CCDC28A: variants seen among roughly 807,000 people sequenced by gnomAD.
CCDC28A encodes the protein coiled-coil domain-containing protein 28A.
CCDC28A carries 24 observed loss-of-function variants against 22.1 expected under a neutral mutation model. That is an observed-to-expected ratio of 1.09 (90% CI 0.79 to 1.53). CCDC28A has a LOEUF of 1.53. Among genes scored for constraint, CCDC28A ranks in the 40% most tolerant of loss-of-function variants. CCDC28A has a pLI of 0.00. For synonymous variants in CCDC28A, 83 were observed against 74.7 expected (o/e 1.11, Z -0.57); for missense variants, 170 against 210.7 (o/e 0.81, Z 1.20).
At chr6:138,780,059 C>A in intron 3 of CCDC28A, 74 bp downstream of exon 3, 1 of 1,127,652 alleles carries the variant, frequency 8.9e-7, no homozygotes, top group Non-Finnish European at 1.2e-6. Flanking sequence ...GTATTTTACT[C>A]TTCTTTTCAA....
intron 3 of CCDC28A, among the ~76,000 whole-genome samples, chr6:138,784,079 G>T (rs1353823100): frequency 6.6e-6 from 1 of 151,692 alleles, no homozygotes; most frequent in African/African-American, 2.4e-5. Context: ...TAGAGACAAG[G>T]TTTCACCATG....
rs539683925 is a variant in CCDC28A at position 138,783,973 on chromosome 6, G to C, written c.323-1254G>C. Among the ~76,000 whole-genome samples, 9 of 149,180 alleles carry C rather than the reference G, an allele frequency of 6.0e-5. No homozygotes were observed. In the East Asian group the frequency reaches 1.8e-3, roughly 30 times the overall value. ...TTCACTGCAGCCTCAACCTCCCCAG[G>C]CTTATATGATCCTCCCACCTCAACC... On this transcript the variant is annotated intron_variant, in intron 3 of 5. Transcript: ENST00000617445.
chr6:138,784,265 G>A (rs925576847), intron 3 of CCDC28A, among the ~76,000 whole-genome samples: 1 of 152,012 alleles, frequency 6.6e-6, no homozygotes, highest in South Asian at 2.1e-4. Context: ...GACATGATGA[G>A]ATGGTGCTGT....
rs1251006664 is a variant in CCDC28A, at chr6:138,773,819, C to T, written c.-126C>T. On this transcript the variant is annotated 5_prime_UTR_variant, in exon 1 of 6. Transcript: ENST00000617445. ...CGGGTCCCGGGATGTGACCGGGGCTCTGCTTGTGGCTGCGGCGGTGGCTTC... is the reference window on the plus strand; with the variant it reads ...CGGGTCCCGGGATGTGACCGGGGCTTTGCTTGTGGCTGCGGCGGTGGCTTC... The T allele has an allele frequency of 1.9e-6, 3 of 1,614,108 alleles. No homozygotes were observed.
chr6:138,792,985 G>A lies in CCDC28A; in HGVS notation c.*182G>A. 1.7e-6 allele frequency: 1 copy of A among 574,978 alleles called. No homozygotes were observed. Among genetic ancestry groups the A allele is most frequent in the Non-Finnish European group, 3.1e-6 (1 of 319,926 alleles). The allele number at this position is 574,978 out of a possible 1,614,324, so 35.6% of individuals were successfully genotyped here. ...TGACTCGCTGTAATTCACCATAACT[G>A]GAGGCCTAGGCCTTGTTGAAGGCTT... On this transcript the variant is annotated 3_prime_UTR_variant, in exon 6 of 6. Transcript: ENST00000617445.
At chr6:138,786,539 CT>C (rs571959638) in intron 4 of CCDC28A, among the ~76,000 whole-genome samples, 1 of 152,150 alleles carries the variant, frequency 6.6e-6, no homozygotes, top group Non-Finnish European at 1.5e-5. Flanking sequence ...TATGCCAATA[CT>C]TTCACTATTT....
intron 4 of CCDC28A, among the ~76,000 whole-genome samples, chr6:138,788,106 G>A (rs1221289700): frequency 1.3e-5 from 2 of 151,378 alleles, no homozygotes; most frequent in African/African-American, 4.9e-5. Flanking sequence ...GACCTCACGT[G>A]TGCGTCACCA....
At position 138,780,173 on chromosome 6, in the gene CCDC28A, G is replaced by GT. The variant is rs556523737; in HGVS notation, c.322+197dup. ...TGCCTTCTAAAACTTCTGGGAAAAA[G>GT]TTTTTTTTTAAGAGGGAGGGTTAGT... is the stretch of plus-strand genomic sequence containing the variant. On this transcript the variant is annotated intron_variant, in intron 3 of 5. Coordinates refer to ENST00000617445, the MANE Select transcript of CCDC28A (RefSeq NM_015439.3). Among the ~76,000 whole-genome samples, 19 of 151,568 alleles carry GT rather than the reference G, an allele frequency of 1.3e-4. No homozygotes were observed. In the South Asian group the frequency reaches 2.1e-3, roughly 17 times the overall value.
At chr6:138,776,417 A>C (rs1359061591) in intron 2 of CCDC28A, 139 bp downstream of exon 2, 1 of 658,844 alleles carries the variant, frequency 1.5e-6, no homozygotes, top group Non-Finnish European at 2.6e-6. Context: ...TTTAGAAGAA[A>C]AATTTATGAA....
chr6:138,779,417 C>T (rs964074133), intron 2 of CCDC28A, among the ~76,000 whole-genome samples: 1 of 152,084 alleles, frequency 6.6e-6, no homozygotes, highest in Non-Finnish European at 1.5e-5. Flanking sequence ...ATGTTGGCTA[C>T]AGAGTAGGGA....
In CCDC28A at chr6:138,779,802, A is replaced by C. The variant is rs770514342; in HGVS notation, c.159-20A>C. ...TAATCTAGAATAGCCTAAAAAGCCT[A>C]AATTTCATCGTCTTTACAGAGTGAT... On this transcript the variant is annotated intron_variant, in intron 2 of 5. Coordinates refer to ENST00000617445, the MANE Select transcript of CCDC28A (RefSeq NM_015439.3). 18 of 1,586,844 alleles carry C rather than the reference A, an allele frequency of 1.1e-5. No individual in the cohort carries two copies. Among genetic ancestry groups the C allele is most frequent in the South Asian group, 8.1e-5 (7 of 86,278 alleles).
chr6:138,783,545 C>G (rs1775050718), intron 3 of CCDC28A, among the ~76,000 whole-genome samples: 2 of 151,732 alleles, frequency 1.3e-5, no homozygotes, highest in Admixed American at 6.6e-5. Flanking sequence ...TCACGCCATT[C>G]TCCTGCCTCA....
intron 5 of CCDC28A, among the ~76,000 whole-genome samples, chr6:138,789,759 A>G (rs1390319132): frequency 2.6e-5 from 4 of 152,172 alleles, no homozygotes; most frequent in African/African-American, 7.2e-5. Flanking sequence ...TGGGAGGTGG[A>G]GGTTGCAGTA....
At chr6:138,780,572 A>ATTTT (rs11348177) in intron 3 of CCDC28A, among the ~76,000 whole-genome samples, 3 of 124,142 alleles carry the variant, frequency 2.4e-5, no homozygotes, top group Non-Finnish European at 3.3e-5. Context: ...TTATTTCCCA[A>ATTTT]TTTTTTTTTT....
At chr6:138,786,744 T>C (rs1309701172) in intron 4 of CCDC28A, among the ~76,000 whole-genome samples, 2 of 152,262 alleles carry the variant, frequency 1.3e-5, no homozygotes, top group African/African-American at 4.8e-5. Context: ...CACCCCCAAG[T>C]AGCTGGGACT....
chr6:138,786,428 T>A (rs1775094385), intron 4 of CCDC28A, among the ~76,000 whole-genome samples: 1 of 152,236 alleles, frequency 6.6e-6, no homozygotes, highest in South Asian at 2.1e-4. Context: ...AAAATTGAAT[T>A]CAACACACGT....
intron 5 of CCDC28A, among the ~76,000 whole-genome samples, chr6:138,791,447 T>A (rs1189598294): frequency 6.6e-6 from 1 of 152,212 alleles, no homozygotes; most frequent in African/African-American, 2.4e-5. Flanking sequence ...TTAATATTCT[T>A]GAAACATCAC....
At chr6:138,778,063 C>A (rs554584512) in intron 2 of CCDC28A, among the ~76,000 whole-genome samples, 14 of 152,020 alleles carry the variant, frequency 9.2e-5, no homozygotes, top group African/African-American at 3.4e-4. Context: ...AAAATGCAGC[C>A]CTTGCTTTGG....
At chr6:138,776,519 A>G (rs1774936778) in intron 2 of CCDC28A, among the ~76,000 whole-genome samples, 1 of 152,180 alleles carries the variant, frequency 6.6e-6, no homozygotes, top group Non-Finnish European at 1.5e-5. Flanking sequence ...AAAACAAGAA[A>G]ACTTTTTGAC....
Sources: allele counts gnomAD v4.1 joint callset (sites outside exome capture counted in the v4.1 genomes callset), GRCh38; gene constraint gnomAD v4.1.1; transcripts MANE v1.5; gene names NCBI Gene and HGNC (gene_info 2026-07-23, HGNC 2026-07-21).